DOCK6: variants seen among roughly 807,000 people sequenced by gnomAD.
The protein encoded by DOCK6 is dedicator of cytokinesis 6, also known as dedicator of cytokinesis protein 6.
In DOCK6, 167 loss-of-function variants were observed where a neutral mutation model predicts 230.3. The ratio of observed to expected loss-of-function variants is 0.73; its 90% CI spans 0.64 to 0.82. The LOEUF (loss-of-function observed/expected upper bound fraction) is 0.82. Among genes scored for constraint, DOCK6 ranks in the 40% least tolerant of loss-of-function variants. The pLI, the probability that DOCK6 is intolerant of heterozygous loss-of-function variation, is 0.00. For synonymous variants in DOCK6, 1,148 were observed against 1,185.0 expected, an observed-to-expected ratio of 0.97 and a Z score of 0.64; for missense variants, 2,598 against 2,825.8, an observed-to-expected ratio of 0.92 and a Z score of 1.83.
At chr19:11,224,359 C>G (rs1440392989) in intron 24 of DOCK6, among the ~76,000 whole-genome samples, 1 of 151,740 alleles carries the variant, frequency 6.6e-6, no homozygotes, top group African/African-American at 2.4e-5. Flanking sequence ...TACAGGTGCG[C>G]ACCACCACAC....
At chr19:11,209,180 C>A (rs2079319145) in intron 37 of DOCK6, 77 bp from the exon 38 acceptor site, 6 of 1,509,892 alleles carry the variant, frequency 4.0e-6, no homozygotes, top group Non-Finnish European at 5.4e-6. Context: ...TGTCCATTCT[C>A]TTCACTGGTT....
chr19:11,216,270 T>TTTTTTTCA, intron 30 of DOCK6: 1 of 194,904 alleles, frequency 5.1e-6, no homozygotes, highest in South Asian at 9.8e-5. Flanking sequence ...GTATTTTTCG[T>TTTTTTTCA]AGAGATGGGG....
chr19:11,256,239 A>G (rs963090434), intron 1 of DOCK6, among the ~76,000 whole-genome samples: 1 of 152,180 alleles, frequency 6.6e-6, no homozygotes, highest in Non-Finnish European at 1.5e-5. Context: ...CCGTGGGCAC[A>G]CAGGGGCTGG....
At position 11,201,066 on chromosome 19, in the gene DOCK6, G is replaced by A. The variant is rs1490133656; in HGVS notation, c.5689-14C>T. On this transcript the variant is annotated splice_polypyrimidine_tract_variant and intron_variant, in intron 44 of 47. Coordinates refer to ENST00000294618, the MANE Select transcript of DOCK6 (RefSeq NM_020812.4). The surrounding 1 kb of genome is among the most constrained non-coding windows in gnomAD (Gnocchi z 4.3). ...CGTCAGCACCGTCTGTGGGGTAAGG[G>A]GAGGGGTGTGTACTCGCTGGGGCCT... 8 of 1,612,774 alleles carry A rather than the reference G, an allele frequency of 5.0e-6. No individual in the cohort carries two copies. Among genetic ancestry groups the A allele is most frequent in the Non-Finnish European group, 6.8e-6 (8 of 1,179,648 alleles).
At chr19:11,261,528 C>G (rs1263188090) in intron 1 of DOCK6, among the ~76,000 whole-genome samples, 1 of 152,158 alleles carries the variant, frequency 6.6e-6, no homozygotes, top group East Asian at 1.9e-4. Context: ...CAGGACAGGT[C>G]CCCCGGGGAG....
Position 11,215,424 on chromosome 19 carries a change from C to G in DOCK6, c.4069G>C (p.Val1357Leu), listed in dbSNP as rs376153451. The G allele has an allele frequency of 4.3e-6, 7 of 1,613,762 alleles. No individual in the cohort carries two copies. Among genetic ancestry groups the G allele is most frequent in the Admixed American group, 1.7e-5 (1 of 59,992 alleles). ...NPENVRWRKS[V>L]THWKQTSDRV... ...TCTGAGGTTTGCTTCCAGTGTGTGA[C>G]GCTCTTCCGCCAGCGCACATTCTCC... Residue 1357 changes from valine (V) to leucine (L), a missense_variant, in exon 32 of 48, where the codon GTC (valine) becomes CTC (leucine). By Grantham distance (32) the Val-to-Leu change is conservative. Coordinates refer to ENST00000294618, the MANE Select transcript of DOCK6 (RefSeq NM_020812.4).
intron 1 of DOCK6, among the ~76,000 whole-genome samples, chr19:11,259,556 C>CTTTCTTTTTTTTTT (rs1555698568): frequency 9.6e-6 from 1 of 103,644 alleles, no homozygotes; most frequent in African/African-American, 3.5e-5. Flanking sequence ...TATTTCTTTT[C>CTTTCTTTTTTTTTT]TTTTTTTTTT....
At chr19:11,239,943 C>A (rs781259374) in intron 14 of DOCK6, 10 of 1,574,026 alleles carry the variant, frequency 6.4e-6, no homozygotes, top group Non-Finnish European at 7.8e-6. Context: ...AGGTGGGCAC[C>A]GTAGCTGCGA....
At chr19:11,240,214 T>C in intron 14 of DOCK6, 1 of 1,565,956 alleles carries the variant, frequency 6.4e-7, no homozygotes, top group Non-Finnish European at 8.7e-7. Context: ...CAGAAGGTGC[T>C]ACGGGACAGC....
rs1483586431 is a variant in DOCK6 at position 11,245,596 on chromosome 19, G to A, written c.990C>T (p.Thr330=). Residue 330 remains threonine (T), a synonymous_variant, in exon 9 of 48, where the codon ACC becomes ACT. Transcript: ENST00000294618. ...TLARSAIFSV[T]YPSPDIFLVI... Reference sequence around the variant, plus strand: ...CCAGGAAGATGTCAGGTGAGGGGTAGGTCACAGAGAAGATGGCAGAGCGGG... The same window carrying A: ...CCAGGAAGATGTCAGGTGAGGGGTAAGTCACAGAGAAGATGGCAGAGCGGG... The A allele has an allele frequency of 6.4e-7, 1 of 1,570,540 alleles. No individual in the cohort carries two copies. The highest frequency in any genetic ancestry group is 1.4e-5 in the African/African-American group (1 of 73,886).
rs2079464687 is a variant in DOCK6, at chr19:11,215,305, T to C, written c.4106+82A>G. The C allele has an allele frequency of 4.1e-5, 54 of 1,313,136 alleles. 1 individual carries two copies. Among genetic ancestry groups the C allele is most frequent in the Middle Eastern group, 3.6e-4 (2 of 5,484 alleles). 81.3% of individuals were successfully genotyped at this position (1,313,136 alleles called of 1,614,324 possible). A position where few individuals can be genotyped will look rare whatever the true frequency, so the allele number is the denominator to read the frequency against. The stretch of plus-strand genomic sequence containing the variant: ...TCTTACTATGTTGCCCAGGCTGGTC[T>C]CGAACTCCTGGACTCAAGCAATCCT... On this transcript the variant is annotated intron_variant, in intron 32 of 47. Transcript: ENST00000294618.
At position 11,202,923 on chromosome 19, in the gene DOCK6, G is replaced by C. The variant is rs1299904130; in HGVS notation, c.5236-214C>G. 6.6e-6 allele frequency among the ~76,000 whole-genome samples: 1 copy of C among 152,156 alleles called. No homozygotes were observed. Among genetic ancestry groups the C allele is most frequent in the Non-Finnish European group, 1.5e-5 (1 of 68,022 alleles). On this transcript the variant is annotated intron_variant, in intron 41 of 47. Transcript: ENST00000294618. The surrounding 1 kb of genome is among the most constrained non-coding windows in gnomAD (Gnocchi z 5.3). ...TATTGTTTACGGGTGTGTCCCTAAT[G>C]CCCGTGGGACAGGGTATACAGCAGG...
chr19:11,215,629 G>T (rs1376153284), intron 31 of DOCK6, 158 bp from the exon 32 acceptor site: 3 of 1,319,288 alleles, frequency 2.3e-6, no homozygotes, highest in East Asian at 4.9e-5. Flanking sequence ...GGGCAAACAC[G>T]AGTGACAGAT....
intron 47 of DOCK6, among the ~76,000 whole-genome samples, chr19:11,199,903 CT>C (rs956270610): frequency 6.6e-6 from 1 of 152,088 alleles, no homozygotes; most frequent in African/African-American, 2.4e-5. Flanking sequence ...AATTCCAGCA[CT>C]TTAGGAGGGC....
intron 23 of DOCK6, among the ~76,000 whole-genome samples, chr19:11,228,655 G>A (rs1415954219): frequency 1.3e-5 from 2 of 151,486 alleles, no homozygotes; most frequent in Non-Finnish European, 2.9e-5. Context: ...CTCCTCCTGG[G>A]TGCACGCCAT....
Position 11,227,350 on chromosome 19 carries a change from GT to G in DOCK6, c.2941del (p.Thr981ProfsTer58). ...TGCATCTCTCACCTTGTGGACACGG[GT>G]GATGACCTCCAGGCCCACAGAGCCC... ...LVGSVGLEVI[T>X]RVHKDVELAE... On this transcript the variant is annotated frameshift_variant, in exon 24 of 48. Coordinates refer to ENST00000294618, the MANE Select transcript of DOCK6 (RefSeq NM_020812.4). LOFTEE classifies it high-confidence loss of function. 2 of 1,613,880 alleles carry G rather than the reference GT, an allele frequency of 1.2e-6. No individual in the cohort carries two copies. The highest frequency in any genetic ancestry group is 1.7e-6 in the Non-Finnish European group (2 of 1,179,882).
At chr19:11,245,771 A>G (rs2080022619) in intron 8 of DOCK6, 41 bp downstream of exon 8, 5 of 1,599,932 alleles carry the variant, frequency 3.1e-6, no homozygotes, top group Non-Finnish European at 3.4e-6. Flanking sequence ...CCCCCCAACA[A>G]GGAGAAGGAA....
chr19:11,243,406 G>T lies in DOCK6; in HGVS notation c.1259-21C>A. On this transcript the variant is annotated intron_variant, in intron 11 of 47. Coordinates refer to ENST00000294618, the MANE Select transcript of DOCK6 (RefSeq NM_020812.4). The surrounding 1 kb of genome is among the most constrained non-coding windows in gnomAD (Gnocchi z 6.3). ...GCGCTCTAGGGGAGGGAATGACAAT[G>T]ACAAAAGGGGGACCAAGATGAAACA... The T allele has an allele frequency of 6.3e-7, 1 of 1,597,310 alleles. No individual in the cohort carries two copies. The highest frequency in any genetic ancestry group is 8.5e-7 in the Non-Finnish European group (1 of 1,172,688).
chr19:11,226,294 C>A (rs1391927841), intron 24 of DOCK6, among the ~76,000 whole-genome samples: 1 of 152,222 alleles, frequency 6.6e-6, no homozygotes, highest in African/African-American at 2.4e-5. Context: ...TCATTCGATG[C>A]CTCAGTTTCC....
Sources: gnomAD v4.1 joint callset for allele counts (sites outside exome capture counted in the v4.1 genomes callset) on GRCh38, gnomAD v4.1.1 for gene constraint, Gnocchi (gnomAD v3.1) non-coding constraint, MANE v1.5 for transcripts, NCBI Gene and HGNC (gene_info 2026-07-23, HGNC 2026-07-21) for gene names.